Variants in CSDE1 observed in about 807,000 individuals in gnomAD.
CSDE1 encodes the protein cold shock domain-containing protein E1.
A neutral mutation model predicts 89.3 loss-of-function variants in CSDE1; 17 were observed. That is an observed-to-expected ratio of 0.19 (90% CI 0.13 to 0.29). The LOEUF is 0.29. Ranked by LOEUF, CSDE1 falls within the 10% of genes least tolerant of loss-of-function variation. CSDE1 has a pLI of 1.00. For missense variants in CSDE1, 672 were observed against 984.2 expected, an observed-to-expected ratio of 0.68 and a Z score of 4.24; for synonymous variants, 322 against 332.8, an observed-to-expected ratio of 0.97 and a Z score of 0.35.
rs376697857 is a variant in CSDE1, at chr1:114,726,204, G to A, written c.1640+7C>T. On this transcript the variant is annotated splice_region_variant and intron_variant, in intron 14 of 19. Transcript: ENST00000358528. ...TAGCTGTAAAGTTCCTGAAAGTCACGCCTTACCTGTAATGGAAAAAGATTT... is the reference window on the plus strand; with the variant it reads ...TAGCTGTAAAGTTCCTGAAAGTCACACCTTACCTGTAATGGAAAAAGATTT... The A allele has an allele frequency of 1.0e-5, 16 of 1,596,016 alleles. No individual in the cohort carries two copies. Among genetic ancestry groups the A allele is most frequent in the African/African-American group, 1.3e-5 (1 of 74,104 alleles).
chr1:114,719,556 C>T, intron 18 of CSDE1, 23 bp downstream of exon 18: 1 of 1,607,486 alleles, frequency 6.2e-7, no homozygotes, highest in Non-Finnish European at 8.5e-7. Context: ...AGTTACTAAT[C>T]AAACCACAAC....
intron 9 of CSDE1, among the ~76,000 whole-genome samples, chr1:114,733,127 A>G (rs1370232400): frequency 6.6e-6 from 1 of 152,194 alleles, no homozygotes; most frequent in Non-Finnish European, 1.5e-5. Context: ...GGGCAGGGGC[A>G]GAGGAGGGAA....
chr1:114,752,021 T>C (rs576719798), intron 1 of CSDE1, among the ~76,000 whole-genome samples: 16 of 152,122 alleles, frequency 1.1e-4, no homozygotes, highest in African/African-American at 3.1e-4. Flanking sequence ...TCCCAGCACT[T>C]TGGGAGGCCT....
intron 1 of CSDE1, among the ~76,000 whole-genome samples, chr1:114,750,888 A>G (rs1395193937): frequency 6.6e-6 from 1 of 152,224 alleles, no homozygotes; most frequent in East Asian, 1.9e-4. Context: ...GCATTCTATG[A>G]TTTTCTAAGC....
Position 114,737,954 on chromosome 1 carries a change from G to A in CSDE1, c.309+9C>T. ...CCCTAAAAAAACACAAAGCATCAAA[G>A]TCACTAACTTGTCCATTCATTCGTT... On this transcript the variant is annotated intron_variant, in intron 4 of 19. Coordinates refer to ENST00000358528, the MANE Select transcript of CSDE1 (RefSeq NM_001007553.3). 1 of 1,581,928 alleles carries A rather than the reference G, an allele frequency of 6.3e-7. No individual in the cohort carries two copies. Among genetic ancestry groups the A allele is most frequent in the African/African-American group, 1.3e-5 (1 of 74,322 alleles).
Position 114,739,762 on chromosome 1 carries a change from T to C in CSDE1, c.129A>G (p.Ser43=). The C allele has an allele frequency of 6.2e-7, 1 of 1,614,162 alleles. No individual in the cohort carries two copies. The highest frequency in any genetic ancestry group is 8.5e-7 in the Non-Finnish European group (1 of 1,179,992). ...LLTSYGFIQC[S]ERQARLFFHC... is the part of the protein sequence containing the mutation. ...GGAAGAAAAGTCTAGCTTGACGTTCTGAACACTGAATAAATCCGTAAGAGG... is the reference window on the plus strand; with the variant it reads ...GGAAGAAAAGTCTAGCTTGACGTTCCGAACACTGAATAAATCCGTAAGAGG... Residue 43 remains serine, a synonymous_variant, in exon 3 of 20, where the codon TCA becomes TCG. Coordinates refer to ENST00000358528, the MANE Select transcript of CSDE1 (RefSeq NM_001007553.3).
chr1:114,744,587 A>C (rs1660913758), intron 2 of CSDE1, among the ~76,000 whole-genome samples: 1 of 152,036 alleles, frequency 6.6e-6, no homozygotes, highest in Non-Finnish European at 1.5e-5. Context: ...ACAAAAACAA[A>C]ACAACAAAAA....
chr1:114,740,250 C>A (rs1401215864), intron 2 of CSDE1, among the ~76,000 whole-genome samples: 6 of 152,160 alleles, frequency 3.9e-5, no homozygotes, highest in Admixed American at 3.9e-4. Flanking sequence ...TATTAAGAGA[C>A]AGCGACCACA....
chr1:114,717,503 C>G lies in CSDE1; in HGVS notation c.*666G>C, dbSNP rs542289182. The G allele has an allele frequency of 3.9e-5, 6 of 152,380 alleles. No individual in the cohort carries two copies. The East Asian group carries it at 1.2e-3, about 29-fold the overall frequency. The allele number at this position is 152,380 out of a possible 1,614,324, so 9.4% of individuals were successfully genotyped here. On this transcript the variant is annotated 3_prime_UTR_variant, in exon 20 of 20. Coordinates refer to ENST00000358528, the MANE Select transcript of CSDE1 (RefSeq NM_001007553.3). Reference sequence around the variant, plus strand: ...TTACTAATTGTAGTAAAGTTACCCCCCAACCCACGAAAAAAAACCTACTCT... The same window carrying G: ...TTACTAATTGTAGTAAAGTTACCCCGCAACCCACGAAAAAAAACCTACTCT...
intron 16 of CSDE1, among the ~76,000 whole-genome samples, chr1:114,722,898 G>T (rs1659602230): frequency 6.6e-6 from 1 of 152,132 alleles, no homozygotes; most frequent in Non-Finnish European, 1.5e-5. Flanking sequence ...GGTTATCAAG[G>T]TTCATTTCCT....
intron 10 of CSDE1, among the ~76,000 whole-genome samples, chr1:114,731,917 C>T (rs747578431): frequency 6.6e-6 from 1 of 152,178 alleles, no homozygotes; most frequent in Non-Finnish European, 1.5e-5. Flanking sequence ...TAGGTTCAAG[C>T]GATTCTCCTG....
At chr1:114,746,014 T>C (rs536625422) in intron 2 of CSDE1, among the ~76,000 whole-genome samples, 1 of 152,272 alleles carries the variant, frequency 6.6e-6, no homozygotes, top group African/African-American at 2.4e-5. Flanking sequence ...ATCTAAGTTG[T>C]TTTTCCCCCC....
At chr1:114,754,957 C>A (rs924577577) in intron 1 of CSDE1, among the ~76,000 whole-genome samples, 2 of 152,136 alleles carry the variant, frequency 1.3e-5, no homozygotes, top group African/African-American at 4.8e-5. Context: ...CACCACAGAC[C>A]AGCAGTTTCC....
chr1:114,744,531 G>A (rs956895221), intron 2 of CSDE1, among the ~76,000 whole-genome samples: 2 of 152,032 alleles, frequency 1.3e-5, no homozygotes, highest in Non-Finnish European at 2.9e-5. Flanking sequence ...TCCTGACACC[G>A]TACTCCAGCC....
intron 2 of CSDE1, among the ~76,000 whole-genome samples, chr1:114,746,079 T>A (rs1179502664): frequency 6.6e-6 from 1 of 152,192 alleles, no homozygotes; most frequent in Non-Finnish European, 1.5e-5. Context: ...AAAGGTAGCC[T>A]ATTTCACCAT....
intron 16 of CSDE1, among the ~76,000 whole-genome samples, chr1:114,721,188 G>A (rs539243854): frequency 1.3e-5 from 2 of 151,724 alleles, no homozygotes; most frequent in South Asian, 2.1e-4. Flanking sequence ...TTTTTTGTTC[G>A]AATTCTGGCT....
chr1:114,718,207 C>T lies in CSDE1; in HGVS notation c.2359G>A (p.Ala787Thr), dbSNP rs11558869. 1 of 1,613,792 alleles carries T rather than the reference C, an allele frequency of 6.2e-7. No homozygotes were observed. Among genetic ancestry groups the T allele is most frequent in the East Asian group, 2.2e-5 (1 of 44,894 alleles). ...RGPDNSMGFG[A>T]ERKIRQAGVI... ...CCAGCTTGACGGATCTTTCTTTCTG[C>T]ACCAAACCCCTGTGGGGGGGAGAAA... Residue 787 changes from alanine (A) to threonine (T), a missense_variant, in exon 20 of 20, where the codon GCA (alanine) becomes ACA (threonine). By Grantham distance (58) the Ala-to-Thr change is moderately conservative (BLOSUM62 0). Around this residue, in one of 8 missense-constraint regions of CSDE1, gnomAD observed 206 missense variants for 332.4 expected, o/e 0.62. Transcript: ENST00000358528.
chr1:114,750,634 T>A (rs1219530652), intron 1 of CSDE1, among the ~76,000 whole-genome samples: 1 of 152,180 alleles, frequency 6.6e-6, no homozygotes. Context: ...AAAAATTATT[T>A]TGCTCAATTA....
At chr1:114,733,351 C>T (rs540996868) in intron 9 of CSDE1, among the ~76,000 whole-genome samples, 1 of 152,054 alleles carries the variant, frequency 6.6e-6, no homozygotes, top group Non-Finnish European at 1.5e-5. Flanking sequence ...CAGGGTGAAA[C>T]CCCGTCTTTA....
Sources: allele counts gnomAD v4.1 joint callset (sites outside exome capture counted in the v4.1 genomes callset), GRCh38; gene constraint gnomAD v4.1.1; regional missense constraint gnomAD v4.1.1; transcripts MANE v1.5; gene names NCBI Gene and HGNC (gene_info 2026-07-23, HGNC 2026-07-21).